CCSER1: variants seen among roughly 807,000 people sequenced by gnomAD.
The protein encoded by CCSER1 is serine-rich coiled-coil domain-containing protein 1.
CCSER1 carries 41 observed loss-of-function variants against 82.0 expected under a neutral mutation model. That is an observed-to-expected ratio of 0.50 (90% confidence interval 0.39 to 0.65). The LOEUF is 0.65. Ranked by LOEUF, CCSER1 falls within the 30% of genes least tolerant of loss-of-function variation. The pLI is 0.00. For synonymous variants in CCSER1, 414 were observed against 383.9 expected, an observed-to-expected ratio of 1.08 and a Z score of -0.92; for missense variants, 1,119 against 1,064.2, an observed-to-expected ratio of 1.05 and a Z score of -0.72.
chr4:91,559,365 C>A (rs879857572), intron 10 of CCSER1, among the ~76,000 whole-genome samples: 1 of 151,594 alleles, frequency 6.6e-6, no homozygotes, highest in Admixed American at 6.6e-5. Context: ...TGGCTCCACA[C>A]CTTCAGCTGT....
chr4:91,547,432 C>A (rs565585656), intron 10 of CCSER1, among the ~76,000 whole-genome samples: 70 of 152,078 alleles, frequency 4.6e-4, no homozygotes, highest in African/African-American at 1.6e-3. Flanking sequence ...GAGAATTGGC[C>A]CCTTTATCTT....
At position 90,780,308 on chromosome 4, in the gene CCSER1, G is replaced by T. The variant is rs564698831; in HGVS notation, c.2011-35454G>T. ...CCTAAAAAAGTAAGTCTAAACATTG[G>T]TGTCCTTTTACGCTTCCCATCTAAA... is the stretch of plus-strand genomic sequence containing the variant. On this transcript the variant is annotated intron_variant, in intron 7 of 10. Coordinates refer to ENST00000509176, the MANE Select transcript of CCSER1 (RefSeq NM_001145065.2). 5.2e-5 allele frequency: 47 copies of T among 912,428 alleles called. 1 individual carries two copies. The South Asian group carries it at 6.7e-4, about 13-fold the overall frequency. 56.5% of individuals were successfully genotyped at this position (912,428 alleles called of 1,614,324 possible).
intron 1 of CCSER1, among the ~76,000 whole-genome samples, chr4:90,273,580 G>A (rs201797568): frequency 6.6e-6 from 1 of 152,082 alleles, no homozygotes; most frequent in Non-Finnish European, 1.5e-5. Context: ...ATGAAGTTTT[G>A]TGGTGAACTC....
At chr4:91,402,195 CT>C (rs1374661077) in intron 10 of CCSER1, among the ~76,000 whole-genome samples, 10 of 152,150 alleles carry the variant, frequency 6.6e-5, no homozygotes. Flanking sequence ...TAAATGTCTT[CT>C]TTTGAGAAGT....
chr4:91,502,081 C>G (rs1033059160), intron 10 of CCSER1, among the ~76,000 whole-genome samples: 3 of 152,158 alleles, frequency 2.0e-5, no homozygotes. Flanking sequence ...GGCTCCTGTC[C>G]TCCCACAGAA....
At chr4:90,717,770 T>C (rs1741910814) in intron 6 of CCSER1, among the ~76,000 whole-genome samples, 1 of 147,928 alleles carries the variant, frequency 6.8e-6, no homozygotes, top group African/African-American at 2.5e-5. Flanking sequence ...ACATATATAG[T>C]GTATATATAT....
intron 6 of CCSER1, among the ~76,000 whole-genome samples, chr4:90,711,797 T>C (rs1200447243): frequency 1.8e-5 from 2 of 114,114 alleles, no homozygotes; most frequent in East Asian, 2.5e-4. Flanking sequence ...TGAAGTTTTT[T>C]TGTTGTTGTA....
chr4:91,586,811 A>G (rs1764018574), intron 10 of CCSER1, among the ~76,000 whole-genome samples: 1 of 151,622 alleles, frequency 6.6e-6, no homozygotes, highest in Non-Finnish European at 1.5e-5. Flanking sequence ...TAGTGGCTTC[A>G]TTTTGCTCTT....
chr4:90,487,747 C>A (rs964567849), intron 5 of CCSER1, among the ~76,000 whole-genome samples: 1 of 152,000 alleles, frequency 6.6e-6, no homozygotes, highest in African/African-American at 2.4e-5. Context: ...TGGGTTCAAG[C>A]GATTCTGCCT....
chr4:91,282,880 C>T (rs925205158), intron 10 of CCSER1, among the ~76,000 whole-genome samples: 9 of 151,810 alleles, frequency 5.9e-5, no homozygotes, highest in African/African-American at 1.5e-4. Flanking sequence ...TTACTTAATC[C>T]TAAAAAGAAT....
chr4:90,349,353 C>G (rs12639691), intron 3 of CCSER1, among the ~76,000 whole-genome samples: 38,480 of 151,826 alleles, frequency 0.25, 5,123 homozygotes, highest in African/African-American at 0.33. Context: ...TTTTAGCAGT[C>G]AAAAGATCTT....
At chr4:90,782,764 C>A (rs1753969667) in intron 7 of CCSER1, among the ~76,000 whole-genome samples, 1 of 146,736 alleles carries the variant, frequency 6.8e-6, no homozygotes, top group Non-Finnish European at 1.5e-5. Flanking sequence ...TCACTGCAAG[C>A]TCCACCTCCC....
In CCSER1 at chr4:91,081,344, G is replaced by C. The variant is rs548244431; in HGVS notation, c.2173-4606G>C. Among the ~76,000 whole-genome samples, 33 of 152,068 alleles carry C rather than the reference G, an allele frequency of 2.2e-4. 2 individuals are homozygous for C. In the South Asian group the frequency reaches 6.6e-3, roughly 31 times the overall value. On this transcript the variant is annotated intron_variant, in intron 9 of 10. Transcript: ENST00000509176. ...CTCAATAGATGCAGAAAAGGCCTTC[G>C]ATGAATAAAATTCAACAGCCCTTCA... is the stretch of plus-strand genomic sequence containing the variant.
chr4:91,042,245 G>A (rs1262726123), intron 9 of CCSER1, among the ~76,000 whole-genome samples: 3 of 152,130 alleles, frequency 2.0e-5, no homozygotes, highest in Non-Finnish European at 2.9e-5. Context: ...GAGGTCTGTT[G>A]GCTTTATAAG....
chr4:91,174,983 C>CCT lies in CCSER1; in HGVS notation c.2217+88990_2217+88991insTC, dbSNP rs1560492654. ...GCTATCTCTCCCTGCTCCCCCCACC[C>CCT]CACAACAGGCCCCAGTGTGTGATGT... On this transcript the variant is annotated intron_variant, in intron 10 of 10. Coordinates refer to ENST00000509176, the MANE Select transcript of CCSER1 (RefSeq NM_001145065.2). Among the ~76,000 whole-genome samples, 449 of 152,238 alleles carry CCT rather than the reference C, an allele frequency of 2.9e-3. 1 individual carries two copies. The highest frequency in any genetic ancestry group is 0.01 in the African/African-American group (423 of 41,520).
intron 1 of CCSER1, among the ~76,000 whole-genome samples, chr4:90,145,717 C>G (rs1167755278): frequency 6.6e-6 from 1 of 152,026 alleles, no homozygotes; most frequent in African/African-American, 2.4e-5. Flanking sequence ...GTTTTGTAAT[C>G]AAAATTCTAC....
At chr4:90,662,957 C>G (rs1316782272) in intron 6 of CCSER1, among the ~76,000 whole-genome samples, 1 of 152,078 alleles carries the variant, frequency 6.6e-6, no homozygotes, top group East Asian at 1.9e-4. Context: ...AATCATATTT[C>G]TAATATCTTA....
intron 10 of CCSER1, among the ~76,000 whole-genome samples, chr4:91,191,435 C>T (rs184903423): frequency 2.0e-5 from 3 of 152,148 alleles, no homozygotes; most frequent in African/African-American, 7.2e-5. Context: ...AACCTTCGAA[C>T]CTGCTTATTA....
Position 90,942,319 on chromosome 4 carries a change from A to G in CCSER1, c.2172+18872A>G, listed in dbSNP as rs532602540. ...AATTTGCATAATGGAGAAGATTATG[A>G]TAGGCTATAAAATGGGGGGAAGAAA... On this transcript the variant is annotated intron_variant, in intron 9 of 10. Coordinates refer to ENST00000509176, the MANE Select transcript of CCSER1 (RefSeq NM_001145065.2). Among the ~76,000 whole-genome samples the G allele has an allele frequency of 7.9e-5, 12 of 152,288 alleles. No homozygotes were observed. The East Asian group carries it at 1.9e-3, about 24-fold the overall frequency.
Sources: allele counts gnomAD v4.1 joint callset (sites outside exome capture counted in the v4.1 genomes callset), GRCh38; gene constraint gnomAD v4.1.1; transcripts MANE v1.5; gene names NCBI Gene and HGNC (gene_info 2026-07-23, HGNC 2026-07-21).